PLXNA1: variants seen among roughly 807,000 people sequenced by gnomAD.
PLXNA1 encodes plexin-A1.
In PLXNA1, 77 loss-of-function variants were observed where a neutral mutation model predicts 191.7. That is an observed-to-expected ratio of 0.40 (90% confidence interval 0.33 to 0.49). The LOEUF (loss-of-function observed/expected upper bound fraction) is 0.49, where lower values mean the gene tolerates loss of function less well. Ranked by LOEUF, PLXNA1 falls within the 20% of genes least tolerant of loss-of-function variation. The pLI is 0.63. For synonymous variants in PLXNA1, 1,137 were observed against 1,156.4 expected (o/e 0.98, Z 0.34); for missense variants, 2,110 against 2,660.2 (o/e 0.79, Z 4.55).
chr3:126,995,961 G>T (rs1422145190), intron 3 of PLXNA1, among the ~76,000 whole-genome samples: 3 of 152,216 alleles, frequency 2.0e-5, no homozygotes, highest in Non-Finnish European at 4.4e-5. Flanking sequence ...GGCTGCAGCT[G>T]CAGTTCCCTG....
chr3:127,028,348 G>A lies in PLXNA1; in HGVS notation c.4669+8G>A. On this transcript the variant is annotated splice_region_variant and intron_variant, in intron 25 of 31. Coordinates refer to ENST00000393409, the MANE Select transcript of PLXNA1 (RefSeq NM_032242.4). ...CCGCGGACATGGACCTGGGTGAGCGGGCGGGGCCACGGCTGCCCGGGGTGT... is the reference window on the plus strand; with the variant it reads ...CCGCGGACATGGACCTGGGTGAGCGAGCGGGGCCACGGCTGCCCGGGGTGT... 6.2e-7 allele frequency: 1 copy of A among 1,607,598 alleles called. No homozygotes were observed. The highest frequency in any genetic ancestry group is 8.5e-7 in the Non-Finnish European group (1 of 1,178,406).
At chr3:127,029,331 C>A in intron 26 of PLXNA1, 109 bp from the exon 27 acceptor site, 1 of 1,060,038 alleles carries the variant, frequency 9.4e-7, no homozygotes, top group Non-Finnish European at 1.5e-6. Flanking sequence ...AGGTGGCTGC[C>A]TCCAGGCACA....
chr3:126,990,820 C>A (rs1477447558), intron 2 of PLXNA1, among the ~76,000 whole-genome samples: 1 of 152,218 alleles, frequency 6.6e-6, no homozygotes, highest in African/African-American at 2.4e-5. Context: ...CTGCACCATA[C>A]AGATGGAGAC....
Position 127,011,978 on chromosome 3 carries a change from C to A in PLXNA1, c.2133C>A (p.Pro711=), listed in dbSNP as rs1336012001. The part of the protein sequence containing the change: ...NVSEDCPQIL[P]STQIYVPVGV... Reference sequence around the variant, plus strand: ...CCCAGGACTGCCCACAGATCCTGCCCTCCACGCAGATCTACGTGCCAGTGG... The same window carrying A: ...CCCAGGACTGCCCACAGATCCTGCCATCCACGCAGATCTACGTGCCAGTGG... Residue 711 remains proline, a synonymous_variant, in exon 10 of 32, where the codon CCC becomes CCA. Coordinates refer to ENST00000393409, the MANE Select transcript of PLXNA1 (RefSeq NM_032242.4). 21 of 1,613,554 alleles carry A rather than the reference C, an allele frequency of 1.3e-5. No homozygotes were observed. Among genetic ancestry groups the A allele is most frequent in the Non-Finnish European group, 3.4e-6 (4 of 1,179,902 alleles).
intron 10 of PLXNA1, 74 bp downstream of exon 10, chr3:127,012,232 G>C (rs982486741): frequency 8.8e-6 from 13 of 1,477,624 alleles, no homozygotes; most frequent in Non-Finnish European, 1.1e-5. Context: ...CTGGGTCCTG[G>C]CGTGTGCTTG....
Position 127,022,809 on chromosome 3 carries a change from G to T in PLXNA1, c.4353G>T (p.Lys1451Asn). 6.2e-7 allele frequency: 1 copy of T among 1,613,994 alleles called. No homozygotes were observed. The highest frequency in any genetic ancestry group is 8.5e-7 in the Non-Finnish European group (1 of 1,179,900). The part of the protein sequence containing the change: ...LTNWFTFLLY[K>N]FLKECAGEPL... ...ACTGGTTCACCTTCCTCTTGTATAA[G>T]TTCCTCAAGGTAAGCAGAGGCGGGA... Residue 1451 changes from lysine to asparagine, a missense_variant, in exon 23 of 32, where the codon AAG becomes AAT. By Grantham distance (94) the Lys-to-Asn change is moderately conservative. This residue lies in a region of PLXNA1 where 559 missense variants were observed against 911.5 expected (regional missense o/e 0.61). Coordinates refer to ENST00000393409, the MANE Select transcript of PLXNA1 (RefSeq NM_032242.4).
chr3:126,988,626 C>CCTGCTG lies in PLXNA1; in HGVS notation c.43_48dup (p.Leu20_Leu21dup), dbSNP rs746411729. The CCTGCTG allele has an allele frequency of 1.9e-6, 3 of 1,569,534 alleles. No individual in the cohort carries two copies. Among genetic ancestry groups the CCTGCTG allele is most frequent in the Admixed American group, 3.6e-5 (2 of 55,492 alleles). ...TGCCACCGCGGAGCCTGCAGGTGCT[C>CCTGCTG]CTGCTGCTGCTGCTGTTGCTGCTGC... On this transcript the variant is annotated inframe_insertion, in exon 2 of 32. Coordinates refer to ENST00000393409, the MANE Select transcript of PLXNA1 (RefSeq NM_032242.4).
intron 23 of PLXNA1, 133 bp downstream of exon 23, chr3:127,022,951 G>A: frequency 1.3e-6 from 1 of 796,816 alleles, no homozygotes. Context: ...TCTGGCTTGG[G>A]CCAAGGCCCC....
intron 23 of PLXNA1, among the ~76,000 whole-genome samples, chr3:127,023,030 C>T (rs2079159774): frequency 6.6e-6 from 1 of 152,208 alleles, no homozygotes; most frequent in Admixed American, 6.5e-5. Flanking sequence ...CTGTCAGGCC[C>T]TCACACAGCC....
At position 127,018,413 on chromosome 3, in the gene PLXNA1, C is replaced by T. The variant is rs1019556332; in HGVS notation, c.3780C>T (p.Ile1260=). The change falls in exon 20 of 32, where the codon ATC becomes ATT. Residue 1260 remains isoleucine, a synonymous_variant. Transcript: ENST00000393409. ...GCGGGGGTCTCCTGCTGCTGGTCAT[C>T]GTGGCTGTGCTCATCGCCTACAAGC... ...GGGGGLLLLV[I]VAVLIAYKRK... 9.3e-6 allele frequency: 15 copies of T among 1,612,940 alleles called. No individual in the cohort carries two copies. Among genetic ancestry groups the T allele is most frequent in the African/African-American group, 1.3e-5 (1 of 74,944 alleles).
Position 127,014,312 on chromosome 3 carries a change from A to T in PLXNA1, c.2541A>T (p.Thr847=). ...CSLRHHCAAD[T]PASWMHARHG... ...TGCGACACCACTGCGCTGCCGACACACCTGCATCGTGGATGCACGCGCGTC... is the reference window on the plus strand; with the variant it reads ...TGCGACACCACTGCGCTGCCGACACTCCTGCATCGTGGATGCACGCGCGTC... Residue 847 remains threonine, a synonymous_variant, in exon 12 of 32, where the codon ACA becomes ACT. Coordinates refer to ENST00000393409, the MANE Select transcript of PLXNA1 (RefSeq NM_032242.4). 2.5e-6 allele frequency: 4 copies of T among 1,597,112 alleles called. No homozygotes were observed. Among genetic ancestry groups the T allele is most frequent in the Non-Finnish European group, 3.4e-6 (4 of 1,176,286 alleles).
chr3:127,024,307 G>C (rs936771311), intron 23 of PLXNA1, among the ~76,000 whole-genome samples: 1 of 152,242 alleles, frequency 6.6e-6, no homozygotes, highest in African/African-American at 2.4e-5. Flanking sequence ...AGCCAGCGCA[G>C]AGTGTGGCCC....
At position 127,014,463 on chromosome 3, in the gene PLXNA1, C is replaced by T. The variant is rs2079111994; in HGVS notation, c.2605-15C>T. On this transcript the variant is annotated splice_polypyrimidine_tract_variant and intron_variant, in intron 12 of 31. Coordinates refer to ENST00000393409, the MANE Select transcript of PLXNA1 (RefSeq NM_032242.4). ...CCCTGTGGGATGCCTGTACCCCAGC[C>T]TCTGCCTCCCTCAGCTGTCCCCCGA... is the stretch of plus-strand genomic sequence containing the variant. 5 of 1,599,034 alleles carry T rather than the reference C, an allele frequency of 3.1e-6. No homozygotes were observed. The highest frequency in any genetic ancestry group is 4.2e-6 in the Non-Finnish European group (5 of 1,178,748).
At chr3:127,014,687 C>A (rs766717928) in intron 13 of PLXNA1, 24 bp from the exon 14 acceptor site, 3 of 1,610,712 alleles carry the variant, frequency 1.9e-6, no homozygotes, top group African/African-American at 1.3e-5. Context: ...GCTCCTGCAG[C>A]CCCTGAGGCC....
chr3:127,017,736 C>G lies in PLXNA1; in HGVS notation c.3517-13C>G. ...CCTCGTCCTGGGCTCTGGCTCACCC[C>G]CATCTCCTACAGGGCCGGAACCTCT... On this transcript the variant is annotated splice_polypyrimidine_tract_variant and intron_variant, in intron 18 of 31. Transcript: ENST00000393409. 6.2e-7 allele frequency: 1 copy of G among 1,613,298 alleles called. No homozygotes were observed.
chr3:127,011,884 T>C (rs2079097327), intron 9 of PLXNA1, 74 bp from the exon 10 acceptor site: 4 of 1,375,668 alleles, frequency 2.9e-6, no homozygotes, highest in African/African-American at 2.8e-5. Flanking sequence ...CCAGTGCACA[T>C]CTGGAGCGTA....
intron 3 of PLXNA1, among the ~76,000 whole-genome samples, chr3:126,999,500 C>G (rs1292450495): frequency 6.6e-6 from 1 of 152,214 alleles, no homozygotes; most frequent in Non-Finnish European, 1.5e-5. Context: ...CCGGGCAGCC[C>G]CCTGCCTCCC....
intron 23 of PLXNA1, 110 bp downstream of exon 23, chr3:127,022,928 GT>G: frequency 9.9e-7 from 1 of 1,005,722 alleles, no homozygotes; most frequent in East Asian, 2.5e-5. Flanking sequence ...AGCTGGTGGG[GT>G]CTTGGTCGAG....
In PLXNA1 at chr3:126,989,351, A is replaced by C. The variant is rs966890018; in HGVS notation, c.758A>C (p.Glu253Ala). The change falls in exon 2 of 32, where the codon GAG becomes GCG. Residue 253 changes from glutamate (E) to alanine (A), a missense_variant. Around this residue, in one of 4 missense-constraint regions of PLXNA1, gnomAD observed 903 missense variants for 1,015.7 expected, o/e 0.89. Coordinates refer to ENST00000393409, the MANE Select transcript of PLXNA1 (RefSeq NM_032242.4). ...DIYYVYSFRS[E>A]QFVYYLTLQL... ...TACTATGTGTACAGCTTCCGCAGCG[A>C]GCAGTTTGTCTACTACCTCACGCTG... 1.9e-6 allele frequency: 3 copies of C among 1,613,532 alleles called. No individual in the cohort carries two copies. In the African/African-American group the frequency reaches 4.0e-5, roughly 22 times the overall value.
Sources: gnomAD v4.1 joint callset for allele counts (sites outside exome capture counted in the v4.1 genomes callset) on GRCh38, gnomAD v4.1.1 for gene constraint, gnomAD v4.1.1 regional missense constraint, MANE v1.5 for transcripts, NCBI Gene and HGNC (gene_info 2026-07-23, HGNC 2026-07-21) for gene names.